Variants in BCL2L13 observed in about 807,000 individuals in gnomAD.
BCL2L13 encodes bcl-2-like protein 13.
BCL2L13 carries 13 observed loss-of-function variants against 25.8 expected under a neutral mutation model. The observed-to-expected ratio is 0.50, with a 90% confidence interval of 0.33 to 0.80. The LOEUF (loss-of-function observed/expected upper bound fraction) is 0.80, where lower values mean the gene tolerates loss of function less well. BCL2L13 is among the 30% of genes least tolerant of loss of function. The pLI, the probability that BCL2L13 is intolerant of heterozygous loss-of-function variation, is 0.02. For missense variants in BCL2L13, 504 were observed against 574.9 expected (o/e 0.88, Z 1.26); for synonymous variants, 244 against 230.3 (o/e 1.06, Z -0.54).
intron 2 of BCL2L13, among the ~76,000 whole-genome samples, chr22:17,659,296 A>G (rs2058991700): frequency 6.9e-6 from 1 of 145,444 alleles, no homozygotes; most frequent in African/African-American, 2.4e-5. Flanking sequence ...CCTGGGAAGC[A>G]GAGGTTGCAG....
At chr22:17,690,837 A>G (rs900689778) in intron 4 of BCL2L13, among the ~76,000 whole-genome samples, 1 of 152,156 alleles carries the variant, frequency 6.6e-6, no homozygotes, top group Non-Finnish European at 1.5e-5. Flanking sequence ...AAATATAAAT[A>G]TGGAGAGAAG....
chr22:17,727,272 T>C lies in BCL2L13; in HGVS notation c.1196T>C (p.Val399Ala). Residue 399 changes from valine (V) to alanine (A), a missense_variant, in exon 7 of 7, where the codon GTC becomes GCC. Physicochemically the swap from Val to Ala is moderately conservative, Grantham distance 64. Coordinates refer to ENST00000317582, the MANE Select transcript of BCL2L13 (RefSeq NM_015367.4). ...TTEPTEVEEVVPALEPTETLL... is the reference protein window; with the variant it reads ...TTEPTEVEEVAPALEPTETLL... ...GAACCTACTGAAGTGGAGGAGGTGG[T>C]CCCCGCACTGGAACCCACAGAAACG... The C allele has an allele frequency of 6.2e-7, 1 of 1,614,048 alleles. No homozygotes were observed. Among genetic ancestry groups the C allele is most frequent in the Non-Finnish European group, 8.5e-7 (1 of 1,180,024 alleles).
intron 2 of BCL2L13, among the ~76,000 whole-genome samples, chr22:17,667,005 A>C (rs555431909): frequency 6.6e-6 from 1 of 152,128 alleles, no homozygotes; most frequent in South Asian, 2.1e-4. Flanking sequence ...TCCGTTGTCT[A>C]TATGTACCAC....
intron 6 of BCL2L13, chr22:17,702,638 T>C (rs1364026280): frequency 6.8e-6 from 2 of 293,800 alleles, no homozygotes; most frequent in African/African-American, 2.2e-5. Flanking sequence ...CTTTTTGATA[T>C]GTAATTATTA....
intron 1 of BCL2L13, among the ~76,000 whole-genome samples, chr22:17,632,110 T>G (rs145600809): frequency 6.6e-6 from 1 of 152,280 alleles, no homozygotes; most frequent in Non-Finnish European, 1.5e-5. Context: ...TATGACAGAT[T>G]GGTATACATA....
chr22:17,671,440 G>A (rs1444385500), intron 2 of BCL2L13, among the ~76,000 whole-genome samples: 6 of 148,308 alleles, frequency 4.0e-5, no homozygotes, highest in African/African-American at 7.4e-5. Flanking sequence ...TGTGGCGGGC[G>A]CCTGTAGTCC....
rs139164101 is a variant in BCL2L13, at chr22:17,727,277, G to C, written c.1201G>C (p.Ala401Pro). The C allele has an allele frequency of 6.2e-7, 1 of 1,614,240 alleles. No homozygotes were observed. Among genetic ancestry groups the C allele is most frequent in the African/African-American group, 1.3e-5 (1 of 75,072 alleles). Reference protein sequence around the residue: ...EPTEVEEVVPALEPTETLLSE... With the variant: ...EPTEVEEVVPPLEPTETLLSE... Reference sequence around the variant, plus strand: ...TACTGAAGTGGAGGAGGTGGTCCCCGCACTGGAACCCACAGAAACGCTGCT... The same window carrying C: ...TACTGAAGTGGAGGAGGTGGTCCCCCCACTGGAACCCACAGAAACGCTGCT... The change falls in exon 7 of 7, where the codon GCA becomes CCA. Residue 401 changes from alanine to proline, a missense_variant. By Grantham distance (27) the Ala-to-Pro change is conservative (BLOSUM62 -1). Transcript: ENST00000317582.
intron 6 of BCL2L13, among the ~76,000 whole-genome samples, chr22:17,707,977 C>A (rs1411004961): frequency 6.6e-6 from 1 of 152,000 alleles, no homozygotes; most frequent in Admixed American, 6.6e-5. Context: ...CAATTGTCAA[C>A]CTGATTTTTA....
chr22:17,699,781 G>T (rs2060377342), intron 5 of BCL2L13, among the ~76,000 whole-genome samples: 1 of 152,110 alleles, frequency 6.6e-6, no homozygotes, highest in African/African-American at 2.4e-5. Context: ...AAAAAAATCA[G>T]TTGTGCAGAT....
Position 17,655,771 on chromosome 22 carries a change from C to T in BCL2L13, c.60C>T (p.Leu20=), listed in dbSNP as rs371713625. ...ACTATGAAACAAAGTATGTTGTTCT[C>T]AGCTACTTGGGACTCCTCTCTCAAG... ...GFHYETKYVV[L]SYLGLLSQEK... is the part of the protein sequence containing the mutation. The change falls in exon 2 of 7, where the codon CTC becomes CTT. Residue 20 remains leucine, a synonymous_variant. Transcript: ENST00000317582. 4.8e-5 allele frequency: 78 copies of T among 1,613,758 alleles called. No individual in the cohort carries two copies. The African/African-American group carries it at 8.8e-4, about 18-fold the overall frequency.
intron 6 of BCL2L13, among the ~76,000 whole-genome samples, chr22:17,718,137 A>ATTGC (rs1187547451): frequency 7.1e-6 from 1 of 140,352 alleles, no homozygotes; most frequent in Non-Finnish European, 1.6e-5. Flanking sequence ...GAAGGGGAAG[A>ATTGC]TTGCTTATAT....
chr22:17,702,307 C>G lies in BCL2L13; in HGVS notation c.521C>G (p.Pro174Arg). The G allele has an allele frequency of 6.2e-7, 1 of 1,612,534 alleles. No homozygotes were observed. Among genetic ancestry groups the G allele is most frequent in the Non-Finnish European group, 8.5e-7 (1 of 1,179,298 alleles). ...GAATTGACAAGACGTGGTCAAGAAC[C>G]TTTGAGCGCACTGCTGCAGTTTGGC... ...LLELTRRGQE[P>R]LSALLQFGVT... is the part of the protein sequence containing the mutation. The change falls in exon 6 of 7, where the codon CCT becomes CGT. Residue 174 changes from proline (P) to arginine (R), a missense_variant. Pro to Arg is a moderately radical substitution (Grantham distance 103). Coordinates refer to ENST00000317582, the MANE Select transcript of BCL2L13 (RefSeq NM_015367.4).
chr22:17,665,305 C>T (rs2059201030), intron 2 of BCL2L13, among the ~76,000 whole-genome samples: 1 of 152,120 alleles, frequency 6.6e-6, no homozygotes, highest in African/African-American at 2.4e-5. Flanking sequence ...CATCTGAGAC[C>T]ACCTCAACTT....
At chr22:17,632,904 C>T (rs963154207) in intron 1 of BCL2L13, among the ~76,000 whole-genome samples, 35 of 151,980 alleles carry the variant, frequency 2.3e-4, no homozygotes, top group Admixed American at 2.3e-3. Context: ...CAGGCATGTG[C>T]CACCATGCCC....
intron 5 of BCL2L13, among the ~76,000 whole-genome samples, chr22:17,700,739 T>A (rs888624029): frequency 6.6e-6 from 1 of 152,186 alleles, no homozygotes; most frequent in Admixed American, 6.5e-5. Flanking sequence ...AAGAAGGAGT[T>A]TTCAATATAT....
chr22:17,723,560 A>G lies in BCL2L13; in HGVS notation c.601-3117A>G, dbSNP rs138337522. ...ACCAAAAACAACAATTAAAATGACA[A>G]CACAAACAATAGCAAGTTATGAAAT... On this transcript the variant is annotated intron_variant, in intron 6 of 6. Coordinates refer to ENST00000317582, the MANE Select transcript of BCL2L13 (RefSeq NM_015367.4). 1.4e-4 allele frequency among the ~76,000 whole-genome samples: 21 copies of G among 152,308 alleles called. No individual in the cohort carries two copies. In the East Asian group the frequency reaches 3.9e-3, roughly 28 times the overall value.
chr22:17,719,843 A>AAC (rs1261857135), intron 6 of BCL2L13, among the ~76,000 whole-genome samples: 1 of 103,508 alleles, frequency 9.7e-6, no homozygotes, highest in African/African-American at 3.0e-5. Context: ...AAAAAAAAAA[A>AAC]AAAAAAAGAA....
intron 2 of BCL2L13, among the ~76,000 whole-genome samples, chr22:17,675,378 ATAT>A (rs1396180593): frequency 6.6e-6 from 1 of 152,180 alleles, no homozygotes; most frequent in Admixed American, 6.6e-5. Flanking sequence ...CCAATAGGTT[ATAT>A]TATCTGCAAG....
rs540609151 is a variant in BCL2L13, at chr22:17,717,403, T to G, written c.601-9274T>G. Among the ~76,000 whole-genome samples the G allele has an allele frequency of 2.6e-3, 308 of 119,142 alleles. 4 individuals carry two copies. Among genetic ancestry groups the G allele is most frequent in the African/African-American group, 0.011 (291 of 27,348 alleles). The allele number at this position is 119,142 out of a possible 152,430, so 78.2% of individuals were successfully genotyped here. A position where few individuals can be genotyped will look rare whatever the true frequency, so the allele number is the denominator to read the frequency against. Reference sequence around the variant, plus strand: ...CTCAAAAAAGATCCAATGTTGTTGTTCCCTCTTCCGTGAATCTCTCATGTT... The same window carrying G: ...CTCAAAAAAGATCCAATGTTGTTGTGCCCTCTTCCGTGAATCTCTCATGTT... On this transcript the variant is annotated intron_variant, in intron 6 of 6. Coordinates refer to ENST00000317582, the MANE Select transcript of BCL2L13 (RefSeq NM_015367.4).
Sources: gnomAD v4.1 joint callset for allele counts (sites outside exome capture counted in the v4.1 genomes callset) on GRCh38, gnomAD v4.1.1 for gene constraint, MANE v1.5 for transcripts, NCBI Gene and HGNC (gene_info 2026-07-23, HGNC 2026-07-21) for gene names.